The following ARHGAP24 variants were observed in gnomAD, a reference collection of about 807,000 sequenced individuals.
ARHGAP24 encodes the protein rho GTPase-activating protein 24.
In ARHGAP24, 50 loss-of-function variants were observed where a neutral mutation model predicts 76.4. That is an observed-to-expected ratio of 0.65 (90% confidence interval 0.52 to 0.83). The LOEUF is 0.83. Ranked by LOEUF, ARHGAP24 falls within the 40% of genes least tolerant of loss-of-function variation. The pLI, the probability that ARHGAP24 is intolerant of heterozygous loss-of-function variation, is 0.00. For missense variants in ARHGAP24, 930 were observed against 914.2 expected (o/e 1.02, Z -0.22); for synonymous variants, 345 against 323.3 (o/e 1.07, Z -0.72).
intron 1 of ARHGAP24, among the ~76,000 whole-genome samples, chr4:85,563,315 AT>A (rs1560533920): frequency 6.6e-6 from 1 of 152,180 alleles, no homozygotes; most frequent in Non-Finnish European, 1.5e-5. Context: ...ACAGAAGTTC[AT>A]TTCTGACAGT....
chr4:85,844,808 T>C (rs149722101), intron 3 of ARHGAP24, among the ~76,000 whole-genome samples: 92 of 152,332 alleles, frequency 6.0e-4, no homozygotes, highest in Non-Finnish European at 6.9e-4. Context: ...CATTTTGTTG[T>C]CCAATTATAG....
chr4:85,573,207 T>A (rs569569304), intron 2 of ARHGAP24, among the ~76,000 whole-genome samples: 2 of 152,294 alleles, frequency 1.3e-5, no homozygotes, highest in Middle Eastern at 6.8e-3. Context: ...TTTTCTTTTT[T>A]AACTAACTTT....
chr4:85,775,165 G>A (rs1727268010), intron 3 of ARHGAP24, among the ~76,000 whole-genome samples: 1 of 151,956 alleles, frequency 6.6e-6, no homozygotes, highest in African/African-American at 2.4e-5. Flanking sequence ...GAGGGTATAT[G>A]TGGGTGGGAG....
intron 8 of ARHGAP24, chr4:85,991,277 C>T (rs1295411928): frequency 1.3e-5 from 2 of 152,026 alleles, no homozygotes; most frequent in African/African-American, 2.4e-5. Context: ...AATGTTAGGG[C>T]CAATTCACAA....
At chr4:85,764,515 C>T (rs1271239644) in intron 3 of ARHGAP24, among the ~76,000 whole-genome samples, 1 of 152,134 alleles carries the variant, frequency 6.6e-6, no homozygotes, top group African/African-American at 2.4e-5. Flanking sequence ...TGATGCAGCT[C>T]TTTTAACCAC....
At chr4:85,760,561 C>G (rs1726696115) in intron 3 of ARHGAP24, among the ~76,000 whole-genome samples, 1 of 152,164 alleles carries the variant, frequency 6.6e-6, no homozygotes, top group Non-Finnish European at 1.5e-5. Context: ...GAGTAATCTG[C>G]TTCCAAACAG....
intron 3 of ARHGAP24, among the ~76,000 whole-genome samples, chr4:85,828,515 G>GTGT (rs768522644): frequency 0.086 from 12,469 of 144,254 alleles, 592 homozygotes; most frequent in Middle Eastern, 0.13. Flanking sequence ...CTGCGTGTGT[G>GTGT]TTTTTTTTTT....
In ARHGAP24 at chr4:85,691,294, A is replaced by G. The variant is rs189877224; in HGVS notation, c.181-30591A>G. On this transcript the variant is annotated intron_variant, in intron 2 of 9. Coordinates refer to ENST00000395184, the MANE Select transcript of ARHGAP24 (RefSeq NM_001025616.3). ...TTTGATCAGTCTTAGAATATGTTCCATATGCAGATGAGAAGAATGTATATC... is the reference window on the plus strand; with the variant it reads ...TTTGATCAGTCTTAGAATATGTTCCGTATGCAGATGAGAAGAATGTATATC... Among the ~76,000 whole-genome samples, 390 of 152,258 alleles carry G rather than the reference A, an allele frequency of 2.6e-3. 3 individuals are homozygous for G. The highest frequency in any genetic ancestry group is 0.017 in the Middle Eastern group (5 of 294).
intron 3 of ARHGAP24, among the ~76,000 whole-genome samples, chr4:85,848,804 A>G (rs1020521185): frequency 2.0e-5 from 3 of 152,094 alleles, no homozygotes; most frequent in Non-Finnish European, 2.9e-5. Context: ...CCATTGGTCT[A>G]TATCTCTGTT....
At chr4:85,875,661 A>G (rs933478782) in intron 3 of ARHGAP24, among the ~76,000 whole-genome samples, 8 of 128,980 alleles carry the variant, frequency 6.2e-5, no homozygotes, top group Admixed American at 9.6e-5. Flanking sequence ...TATATATAAT[A>G]TAACATAAAA....
intron 2 of ARHGAP24, among the ~76,000 whole-genome samples, chr4:85,665,136 T>G (rs992956785): frequency 2.6e-5 from 4 of 152,136 alleles, no homozygotes; most frequent in African/African-American, 9.7e-5. Flanking sequence ...CCATTATTAT[T>G]GTGTGGGAGT....
chr4:85,975,810 A>G (rs1739286489), intron 7 of ARHGAP24: 1 of 152,216 alleles, frequency 6.6e-6, no homozygotes, highest in Non-Finnish European at 1.5e-5. Flanking sequence ...ATGATTAGAT[A>G]AGCGTTCAAG....
At chr4:85,734,693 T>G (rs1309757033) in intron 3 of ARHGAP24, among the ~76,000 whole-genome samples, 1 of 143,940 alleles carries the variant, frequency 6.9e-6, no homozygotes, top group Non-Finnish European at 1.5e-5. Context: ...CATGACTCAT[T>G]ATTTCTGATG....
chr4:85,940,694 T>C (rs1736907450), intron 4 of ARHGAP24, among the ~76,000 whole-genome samples: 1 of 152,200 alleles, frequency 6.6e-6, no homozygotes, highest in Non-Finnish European at 1.5e-5. Context: ...CTCTAATCTT[T>C]ATTGCCCTTA....
At chr4:85,762,835 G>A (rs1308403728) in intron 3 of ARHGAP24, among the ~76,000 whole-genome samples, 3 of 152,134 alleles carry the variant, frequency 2.0e-5, no homozygotes, top group Admixed American at 6.6e-5. Context: ...GGTTTAACTA[G>A]CGTAACTGTG....
intron 1 of ARHGAP24, among the ~76,000 whole-genome samples, chr4:85,553,604 C>G (rs1290001112): frequency 6.6e-6 from 1 of 152,082 alleles, no homozygotes; most frequent in African/African-American, 2.4e-5. Context: ...AAACCTTTAG[C>G]TAGACACAGA....
chr4:85,586,652 C>G (rs1727872854), intron 2 of ARHGAP24, among the ~76,000 whole-genome samples: 1 of 152,128 alleles, frequency 6.6e-6, no homozygotes, highest in African/African-American at 2.4e-5. Context: ...GTAATCCCAG[C>G]ACTTTGGAAG....
intron 2 of ARHGAP24, among the ~76,000 whole-genome samples, chr4:85,694,863 G>A (rs529767527): frequency 1.3e-5 from 2 of 152,156 alleles, no homozygotes; most frequent in South Asian, 2.1e-4. Flanking sequence ...TAGCTATGAC[G>A]CTCTTGTCTT....
At chr4:85,727,095 C>T (rs988227252) in intron 3 of ARHGAP24, among the ~76,000 whole-genome samples, 1 of 151,928 alleles carries the variant, frequency 6.6e-6, no homozygotes. Flanking sequence ...TGGTGGGCGC[C>T]TATAATCCCA....
Sources: allele counts gnomAD v4.1 joint callset (sites outside exome capture counted in the v4.1 genomes callset), GRCh38; gene constraint gnomAD v4.1.1; transcripts MANE v1.5; gene names NCBI Gene and HGNC (gene_info 2026-07-23, HGNC 2026-07-21).